FAM114A1: variants seen among roughly 807,000 people sequenced by gnomAD.
FAM114A1 encodes family with sequence similarity 114 member A1.
In FAM114A1, 62 loss-of-function variants were observed where a neutral mutation model predicts 64.3. The observed-to-expected ratio is 0.96, with a 90% CI of 0.79 to 1.19. The LOEUF is 1.19. Among genes scored for constraint, FAM114A1 ranks in the 50% most tolerant of loss-of-function variants. The pLI is 0.00. For missense variants in FAM114A1, 645 were observed against 676.3 expected (o/e 0.95, Z 0.51); for synonymous variants, 254 against 251.1 (o/e 1.01, Z -0.11).
At chr4:38,894,162 CAAAAAAA>C (rs60660305) in intron 4 of FAM114A1, among the ~76,000 whole-genome samples, 28,866 of 79,572 alleles carry the variant, frequency 0.36, 3,428 homozygotes, top group African/African-American at 0.41. Flanking sequence ...GAGTATGTCT[CAAAAAAA>C]AAAAAAAAAA....
intron 9 of FAM114A1, 70 bp downstream of exon 9, chr4:38,922,963 C>T: frequency 6.7e-7 from 1 of 1,500,272 alleles, no homozygotes; most frequent in Non-Finnish European, 8.9e-7. Context: ...TGTTAATGAA[C>T]ACAGCCCTTT....
chr4:38,874,427 T>G (rs1169669490), intron 2 of FAM114A1, among the ~76,000 whole-genome samples: 2 of 152,214 alleles, frequency 1.3e-5, no homozygotes. Context: ...AGTGGTGGTG[T>G]GCATTTTTTC....
At chr4:38,943,404 C>A in intron 14 of FAM114A1, 52 bp from the exon 15 acceptor site, 1 of 1,463,582 alleles carries the variant, frequency 6.8e-7, no homozygotes, top group South Asian at 1.1e-5. Context: ...GAAGTATTGT[C>A]AAGGTTGAAC....
chr4:38,895,823 A>C (rs890355636), intron 4 of FAM114A1, among the ~76,000 whole-genome samples: 1 of 152,252 alleles, frequency 6.6e-6, no homozygotes. Context: ...ACTGTAGGCA[A>C]TTGTAACACA....
At chr4:38,912,220 G>A (rs572855379) in intron 7 of FAM114A1, among the ~76,000 whole-genome samples, 2 of 151,982 alleles carry the variant, frequency 1.3e-5, no homozygotes, top group South Asian at 4.1e-4. Context: ...TTCCACACAT[G>A]GAAGTCTCCA....
chr4:38,907,984 T>G (rs1348707666), intron 6 of FAM114A1, among the ~76,000 whole-genome samples: 1 of 152,178 alleles, frequency 6.6e-6, no homozygotes, highest in Non-Finnish European at 1.5e-5. Flanking sequence ...CACCAGTTTC[T>G]AAAGCCAGAA....
chr4:38,881,794 T>C (rs1715298723), intron 3 of FAM114A1, among the ~76,000 whole-genome samples: 1 of 152,176 alleles, frequency 6.6e-6, no homozygotes, highest in Admixed American at 6.5e-5. Context: ...TCATAAGAAA[T>C]CATTTTGCAC....
intron 14 of FAM114A1, among the ~76,000 whole-genome samples, chr4:38,942,024 C>T (rs1036073070): frequency 2.6e-5 from 4 of 152,150 alleles, no homozygotes; most frequent in Non-Finnish European, 4.4e-5. Context: ...CACATGGCTG[C>T]AGACAAGACA....
intron 3 of FAM114A1, among the ~76,000 whole-genome samples, chr4:38,891,139 T>C (rs1278448332): frequency 6.6e-6 from 1 of 152,178 alleles, no homozygotes; most frequent in Non-Finnish European, 1.5e-5. Flanking sequence ...TCCACTGAGG[T>C]CAGGGACAGT....
At chr4:38,929,973 C>A (rs1720494820) in intron 10 of FAM114A1, among the ~76,000 whole-genome samples, 1 of 152,102 alleles carries the variant, frequency 6.6e-6, no homozygotes, top group Non-Finnish European at 1.5e-5. Flanking sequence ...TAGTTATCAT[C>A]AGGTTAGGGC....
chr4:38,915,431 T>G (rs1275164035), intron 8 of FAM114A1, among the ~76,000 whole-genome samples: 1 of 152,186 alleles, frequency 6.6e-6, no homozygotes, highest in East Asian at 1.9e-4. Context: ...AGCCCACATC[T>G]TCATTCCTAC....
intron 11 of FAM114A1, 58 bp downstream of exon 11, chr4:38,931,670 G>A: frequency 1.3e-6 from 2 of 1,488,538 alleles, no homozygotes; most frequent in Non-Finnish European, 1.8e-6. Flanking sequence ...CATTTTATTA[G>A]CAGCTTAATT....
At chr4:38,875,090 T>A (rs1410417420) in intron 2 of FAM114A1, among the ~76,000 whole-genome samples, 1 of 152,194 alleles carries the variant, frequency 6.6e-6, no homozygotes, top group Admixed American at 6.5e-5. Context: ...TGTAGTATAG[T>A]TTGAAGTTGG....
chr4:38,882,300 C>A (rs1715359166), intron 3 of FAM114A1, among the ~76,000 whole-genome samples: 1 of 99,524 alleles, frequency 1.0e-5, no homozygotes, highest in Non-Finnish European at 1.9e-5. Flanking sequence ...GCCTGGGCGA[C>A]AGAGCGAGAC....
At chr4:38,891,903 G>T (rs2109608996) in intron 4 of FAM114A1, 73 bp downstream of exon 4, 1 of 1,372,506 alleles carries the variant, frequency 7.3e-7, no homozygotes, top group East Asian at 2.4e-5. Context: ...TGATCGTACT[G>T]TATACTAATA....
At chr4:38,886,975 G>C (rs1271622897) in intron 3 of FAM114A1, among the ~76,000 whole-genome samples, 1 of 151,582 alleles carries the variant, frequency 6.6e-6, no homozygotes, top group East Asian at 1.9e-4. Flanking sequence ...GAAGCAGCTT[G>C]CATAGAAAAA....
chr4:38,890,521 A>ACTTTCTTT (rs1249486942), intron 3 of FAM114A1, among the ~76,000 whole-genome samples: 1 of 151,874 alleles, frequency 6.6e-6, no homozygotes, highest in Non-Finnish European at 1.5e-5. Context: ...CTGCCTCCTT[A>ACTTTCTTT]CTTTCTTTCT....
intron 9 of FAM114A1, among the ~76,000 whole-genome samples, chr4:38,923,459 G>A (rs1719817069): frequency 2.0e-5 from 3 of 152,160 alleles, no homozygotes; most frequent in Admixed American, 6.5e-5. Context: ...TTGACCTCAT[G>A]ATCTGCCTGC....
At chr4:38,899,011 G>A (rs1717241631) in intron 4 of FAM114A1, among the ~76,000 whole-genome samples, 1 of 141,764 alleles carries the variant, frequency 7.1e-6, no homozygotes, top group African/African-American at 2.6e-5. Flanking sequence ...TGTAGTATAA[G>A]TTTCATATAT....
Sources: gnomAD v4.1 joint callset for allele counts (sites outside exome capture counted in the v4.1 genomes callset) on GRCh38, gnomAD v4.1.1 for gene constraint, MANE v1.5 for transcripts, NCBI Gene and HGNC (gene_info 2026-07-23, HGNC 2026-07-21) for gene names.